The following PTPRG variants were observed in gnomAD, a reference collection of about 807,000 sequenced individuals.
PTPRG encodes protein tyrosine phosphatase receptor type G.
A neutral mutation model predicts 165.3 loss-of-function variants in PTPRG; 102 were observed. That is an observed-to-expected ratio of 0.62 (90% CI 0.53 to 0.73). The LOEUF (loss-of-function observed/expected upper bound fraction) is 0.73, where lower values mean the gene tolerates loss of function less well. Ranked by LOEUF, PTPRG falls within the 30% of genes least tolerant of loss-of-function variation. The pLI is 0.00. For synonymous variants in PTPRG, 675 were observed against 669.5 expected (o/e 1.01, Z -0.13); for missense variants, 1,866 against 1,861.4 (o/e 1.00, Z -0.05).
intron 2 of PTPRG, among the ~76,000 whole-genome samples, chr3:61,834,640 C>T (rs1197794063): frequency 6.6e-6 from 1 of 152,174 alleles, no homozygotes; most frequent in African/African-American, 2.4e-5. Flanking sequence ...TGGTGAAACA[C>T]TGTCTCTACT....
At chr3:62,248,699 T>C (rs1489518467) in intron 15 of PTPRG, among the ~76,000 whole-genome samples, 1 of 152,228 alleles carries the variant, frequency 6.6e-6, no homozygotes, top group Non-Finnish European at 1.5e-5. Flanking sequence ...TTATAGAGCA[T>C]ATTGAAAGAG....
rs539516958 is a variant in PTPRG at position 61,673,631 on chromosome 3, T to C, written c.86-75247T>C. On this transcript the variant is annotated intron_variant, in intron 1 of 29. Coordinates refer to ENST00000474889, the MANE Select transcript of PTPRG (RefSeq NM_002841.4). ...TTGTATAAATCTATGCAAGTACAAG[T>C]GCAATTGTGTTACATGCATAGATTA... 1.2e-4 allele frequency among the ~76,000 whole-genome samples: 19 copies of C among 152,344 alleles called. 1 individual carries two copies. In the East Asian group the frequency reaches 3.3e-3, roughly 26 times the overall value.
At chr3:62,171,060 AC>A (rs1705197075) in intron 8 of PTPRG, among the ~76,000 whole-genome samples, 1 of 152,170 alleles carries the variant, frequency 6.6e-6, no homozygotes, top group South Asian at 2.1e-4. Flanking sequence ...CTTTTGCTCT[AC>A]AGTGATTTTA....
intron 28 of PTPRG, among the ~76,000 whole-genome samples, chr3:62,284,588 A>C (rs996754874): frequency 1.3e-5 from 2 of 152,088 alleles, no homozygotes; most frequent in Non-Finnish European, 2.9e-5. Context: ...CTAGTGAGAT[A>C]CTCTGAACAC....
chr3:62,239,668 G>A (rs1450038848), intron 14 of PTPRG, among the ~76,000 whole-genome samples: 1 of 152,038 alleles, frequency 6.6e-6, no homozygotes, highest in Non-Finnish European at 1.5e-5. Flanking sequence ...GCAGCGCTTT[G>A]AGAAATTCTA....
Position 62,072,609 on chromosome 3 carries a change from A to ATGTGTGTGTG in PTPRG, c.520-5549_520-5548insGTGTGTGTGT, listed in dbSNP as rs1174208882. On this transcript the variant is annotated intron_variant, in intron 4 of 29. Coordinates refer to ENST00000474889, the MANE Select transcript of PTPRG (RefSeq NM_002841.4). ...TTTGTTTCTGTGCTTGAGAATATAT[A>ATGTGTGTGTG]TGTGTATGTGTGTGTGTGTGTGTGT... 5.0e-3 allele frequency among the ~76,000 whole-genome samples: 707 copies of ATGTGTGTGTG among 141,234 alleles called. 1 individual carries two copies. The highest frequency in any genetic ancestry group is 0.019 in the African/African-American group (668 of 35,162). The allele number at this position is 141,234 out of a possible 152,430, so 92.7% of individuals were successfully genotyped here.
chr3:61,746,616 C>G (rs1450501367), intron 1 of PTPRG, among the ~76,000 whole-genome samples: 3 of 151,994 alleles, frequency 2.0e-5, no homozygotes, highest in Non-Finnish European at 4.4e-5. Flanking sequence ...TGTCTAATAC[C>G]TTCAGGAAGG....
intron 2 of PTPRG, among the ~76,000 whole-genome samples, chr3:61,894,801 C>G (rs1279352765): frequency 6.6e-6 from 1 of 152,096 alleles, no homozygotes; most frequent in African/African-American, 2.4e-5. Context: ...CCTTGGAGAT[C>G]AGATCCACTT....
At chr3:62,031,323 A>G (rs1218288343) in intron 4 of PTPRG, among the ~76,000 whole-genome samples, 1 of 152,224 alleles carries the variant, frequency 6.6e-6, no homozygotes, top group Non-Finnish European at 1.5e-5. Flanking sequence ...TGAAACGGAA[A>G]GAATATAGAG....
intron 2 of PTPRG, among the ~76,000 whole-genome samples, chr3:61,864,685 C>A (rs1193889128): frequency 6.7e-6 from 1 of 148,892 alleles, no homozygotes; most frequent in Non-Finnish European, 1.5e-5. Context: ...GGTTCACCAG[C>A]CACCTGGAGC....
chr3:61,761,600 A>C (rs1283996569), intron 2 of PTPRG, among the ~76,000 whole-genome samples: 2 of 151,740 alleles, frequency 1.3e-5, no homozygotes, highest in African/African-American at 4.8e-5. Context: ...CAAACAAACA[A>C]ACAAACAAAC....
At chr3:62,095,523 A>G (rs1702081501) in intron 5 of PTPRG, among the ~76,000 whole-genome samples, 1 of 152,222 alleles carries the variant, frequency 6.6e-6, no homozygotes, top group South Asian at 2.1e-4. Flanking sequence ...TTCATTCATC[A>G]GCTATTTCTT....
chr3:61,941,392 A>G (rs2039623663), intron 2 of PTPRG, among the ~76,000 whole-genome samples: 1 of 152,140 alleles, frequency 6.6e-6, no homozygotes, highest in Non-Finnish European at 1.5e-5. Context: ...TGGGAGGCTG[A>G]GGCGGGCAGA....
chr3:62,182,481 T>C (rs1705695629), intron 8 of PTPRG, among the ~76,000 whole-genome samples: 1 of 152,208 alleles, frequency 6.6e-6, no homozygotes, highest in African/African-American at 2.4e-5. Context: ...GCAGATCTCC[T>C]AAGGACACTC....
At chr3:61,754,368 C>G (rs1249595991) in intron 2 of PTPRG, among the ~76,000 whole-genome samples, 1 of 152,164 alleles carries the variant, frequency 6.6e-6, no homozygotes, top group Admixed American at 6.5e-5. Context: ...TAGGTATTAC[C>G]TGTGTGGCTC....
chr3:62,166,611 C>G (rs1704995675), intron 7 of PTPRG, among the ~76,000 whole-genome samples: 1 of 152,036 alleles, frequency 6.6e-6, no homozygotes, highest in Admixed American at 6.5e-5. Flanking sequence ...GGTGGGATTT[C>G]AGGCATGAGC....
intron 5 of PTPRG, among the ~76,000 whole-genome samples, chr3:62,080,009 G>A (rs1559785066): frequency 6.6e-6 from 1 of 151,296 alleles, no homozygotes; most frequent in East Asian, 1.9e-4. Flanking sequence ...AGTATGTTCT[G>A]GACACTGCCC....
At chr3:61,615,368 T>C (rs982833015) in intron 1 of PTPRG, among the ~76,000 whole-genome samples, 1 of 152,242 alleles carries the variant, frequency 6.6e-6, no homozygotes, top group Non-Finnish European at 1.5e-5. Context: ...TTAGCTAGAC[T>C]GTCACTCAGT....
intron 2 of PTPRG, among the ~76,000 whole-genome samples, chr3:61,812,193 C>G (rs1237457905): frequency 1.3e-5 from 2 of 150,970 alleles, no homozygotes; most frequent in African/African-American, 4.9e-5. Context: ...TTCCTGGTAT[C>G]TACAGTTGAT....
Sources: gnomAD v4.1 joint callset for allele counts (sites outside exome capture counted in the v4.1 genomes callset) on GRCh38, gnomAD v4.1.1 for gene constraint, MANE v1.5 for transcripts, NCBI Gene and HGNC (gene_info 2026-07-23, HGNC 2026-07-21) for gene names.